The following PPP3CA variants were observed in gnomAD, a reference collection of about 807,000 sequenced individuals.
PPP3CA encodes CAM-PRP catalytic subunit.
PPP3CA carries 14 observed loss-of-function variants against 66.5 expected under a neutral mutation model. The observed-to-expected ratio is 0.21, with a 90% CI of 0.14 to 0.33. The LOEUF (loss-of-function observed/expected upper bound fraction) is 0.33. PPP3CA is among the 10% of genes least tolerant of loss of function. PPP3CA has a pLI of 1.00. For missense variants in PPP3CA, 317 were observed against 639.5 expected, an observed-to-expected ratio of 0.50 and a Z score of 5.44; for synonymous variants, 232 against 226.2, an observed-to-expected ratio of 1.03 and a Z score of -0.23.
At chr4:101,091,292 C>T (rs970052479) in intron 6 of PPP3CA, among the ~76,000 whole-genome samples, 4 of 152,170 alleles carry the variant, frequency 2.6e-5, no homozygotes, top group Admixed American at 6.5e-5. Flanking sequence ...TTTAACAATG[C>T]CAACTTTTCA....
chr4:101,334,437 G>A (rs751304086), intron 1 of PPP3CA, among the ~76,000 whole-genome samples: 30 of 151,866 alleles, frequency 2.0e-4, no homozygotes, highest in Non-Finnish European at 3.2e-4. Flanking sequence ...CCCAACCCCC[G>A]AGTGACAATT....
chr4:101,061,650 T>C (rs566411204), intron 9 of PPP3CA, among the ~76,000 whole-genome samples: 1 of 152,208 alleles, frequency 6.6e-6, no homozygotes, highest in South Asian at 2.1e-4. Flanking sequence ...CTAATATATT[T>C]GAAGTATTTT....
chr4:101,319,774 CTT>C (rs1359076411), intron 1 of PPP3CA, among the ~76,000 whole-genome samples: 1 of 152,070 alleles, frequency 6.6e-6, no homozygotes, highest in African/African-American at 2.4e-5. Flanking sequence ...AAGGGATAAA[CTT>C]ATATCAAGAA....
chr4:101,036,565 C>A (rs1353664868), intron 11 of PPP3CA, among the ~76,000 whole-genome samples: 1 of 152,194 alleles, frequency 6.6e-6, no homozygotes, highest in Non-Finnish European at 1.5e-5. Context: ...GCACCTGCCA[C>A]CACGCCCAGC....
intron 1 of PPP3CA, among the ~76,000 whole-genome samples, chr4:101,279,188 C>CCACA (rs138151648): frequency 6.6e-6 from 1 of 151,424 alleles, no homozygotes; most frequent in African/African-American, 2.4e-5. Context: ...AAAAGGGTAG[C>CCACA]CACACACACA....
chr4:101,163,464 T>C (rs1723586557), intron 2 of PPP3CA, among the ~76,000 whole-genome samples: 1 of 152,150 alleles, frequency 6.6e-6, no homozygotes, highest in South Asian at 2.1e-4. Context: ...CACAAAAGCA[T>C]GTAGCATAGA....
chr4:101,301,727 G>A lies in PPP3CA; in HGVS notation c.58+45012C>T, dbSNP rs995308742. Among the ~76,000 whole-genome samples the A allele has an allele frequency of 6.0e-5, 9 of 148,880 alleles. No individual in the cohort carries two copies. The South Asian group carries it at 1.3e-3, about 21-fold the overall frequency. On this transcript the variant is annotated intron_variant, in intron 1 of 13. Coordinates refer to ENST00000394854, the MANE Select transcript of PPP3CA (RefSeq NM_000944.5). ...CAGGCTGGTCTTAGCTCCTGACCTC[G>A]TGATCCACCCGCCTCAGCCTCCCAA...
intron 1 of PPP3CA, among the ~76,000 whole-genome samples, chr4:101,331,993 G>A (rs1377784622): frequency 6.6e-6 from 1 of 152,162 alleles, no homozygotes; most frequent in African/African-American, 2.4e-5. Context: ...AAACATATGT[G>A]TATGCAAGAG....
intron 1 of PPP3CA, among the ~76,000 whole-genome samples, chr4:101,215,091 T>G (rs1725415801): frequency 6.6e-6 from 1 of 152,004 alleles, no homozygotes; most frequent in Non-Finnish European, 1.5e-5. Context: ...CTGGTATATA[T>G]TCTCTGAATT....
intron 1 of PPP3CA, among the ~76,000 whole-genome samples, chr4:101,271,243 C>T (rs1162958351): frequency 6.6e-6 from 1 of 152,130 alleles, no homozygotes. Context: ...ATGACACATA[C>T]TAACAATTTA....
chr4:101,028,779 C>T (rs552522782), intron 13 of PPP3CA, among the ~76,000 whole-genome samples: 5 of 152,208 alleles, frequency 3.3e-5, no homozygotes, highest in African/African-American at 9.6e-5. Context: ...ATTAAGATGG[C>T]TATTTTTATT....
chr4:101,176,098 T>C (rs1308598141), intron 2 of PPP3CA, among the ~76,000 whole-genome samples: 1 of 152,124 alleles, frequency 6.6e-6, no homozygotes, highest in African/African-American at 2.4e-5. Flanking sequence ...TCTGTCCCGC[T>C]GCCAAACATG....
chr4:101,255,616 T>C (rs1218073289), intron 1 of PPP3CA, among the ~76,000 whole-genome samples: 2 of 152,026 alleles, frequency 1.3e-5, no homozygotes, highest in African/African-American at 4.8e-5. Flanking sequence ...TAACATCTTA[T>C]TGTCAACCAA....
intron 1 of PPP3CA, among the ~76,000 whole-genome samples, chr4:101,314,389 C>A (rs546798749): frequency 1.3e-5 from 2 of 151,688 alleles, no homozygotes; most frequent in South Asian, 2.1e-4. Context: ...ATGGTGAAAC[C>A]CCGTCTCTAC....
intron 1 of PPP3CA, among the ~76,000 whole-genome samples, chr4:101,214,711 G>T (rs996137147): frequency 1.3e-5 from 2 of 152,064 alleles, no homozygotes; most frequent in Non-Finnish European, 2.9e-5. Context: ...CATTCATATA[G>T]ATTTAATGAT....
At chr4:101,109,669 A>C (rs1007465461) in intron 2 of PPP3CA, among the ~76,000 whole-genome samples, 6 of 151,652 alleles carry the variant, frequency 4.0e-5, no homozygotes, top group Admixed American at 6.6e-5. Flanking sequence ...AAAAAAAAAA[A>C]AAAAACTCCA....
chr4:101,191,752 G>T (rs1040403483), intron 2 of PPP3CA, among the ~76,000 whole-genome samples: 2 of 152,184 alleles, frequency 1.3e-5, no homozygotes, highest in African/African-American at 2.4e-5. Context: ...GACGTCAGCT[G>T]CTGTAAGGGA....
At chr4:101,290,707 A>G (rs773261092) in intron 1 of PPP3CA, among the ~76,000 whole-genome samples, 6 of 152,220 alleles carry the variant, frequency 3.9e-5, no homozygotes, top group Non-Finnish European at 8.8e-5. Context: ...GCTATTGAGA[A>G]AAATAAAACA....
At chr4:101,114,418 T>A (rs542139226) in intron 2 of PPP3CA, among the ~76,000 whole-genome samples, 1 of 152,264 alleles carries the variant, frequency 6.6e-6, no homozygotes, top group East Asian at 1.9e-4. Flanking sequence ...GTCATTTGTT[T>A]TGTACTGGAA....
Sources: gnomAD v4.1 joint callset for allele counts (sites outside exome capture counted in the v4.1 genomes callset) on GRCh38, gnomAD v4.1.1 for gene constraint, MANE v1.5 for transcripts, NCBI Gene and HGNC (gene_info 2026-07-23, HGNC 2026-07-21) for gene names.